The following SUCO variants were observed in gnomAD, a reference collection of about 807,000 sequenced individuals.
The protein encoded by SUCO is SUN domain containing ossification factor, also known as SUN domain-containing ossification factor.
Under a neutral mutation model 148.1 loss-of-function variants are expected in SUCO, and 57 were observed. The ratio of observed to expected loss-of-function variants is 0.38; its 90% CI spans 0.31 to 0.48. SUCO has a LOEUF of 0.48. SUCO is among the 20% of genes least tolerant of loss of function. The pLI, the probability that SUCO is intolerant of heterozygous loss-of-function variation, is 0.96. For missense variants in SUCO, 1,331 were observed against 1,468.2 expected, an observed-to-expected ratio of 0.91 and a Z score of 1.53; for synonymous variants, 470 against 502.7, an observed-to-expected ratio of 0.93 and a Z score of 0.87.
intron 6 of SUCO, among the ~76,000 whole-genome samples, chr1:172,562,628 A>C (rs1654260920): frequency 1.3e-5 from 2 of 152,182 alleles, no homozygotes; most frequent in East Asian, 3.8e-4. Context: ...GAGCCAGTGC[A>C]CCCAGTTAGA....
At chr1:172,535,522 T>A (rs1651946295) in intron 1 of SUCO, among the ~76,000 whole-genome samples, 2 of 152,190 alleles carry the variant, frequency 1.3e-5, no homozygotes, top group South Asian at 4.1e-4. Flanking sequence ...CAAGTTGGAA[T>A]TAATGGCACT....
At chr1:172,569,218 T>G in intron 7 of SUCO, 76 bp downstream of exon 7, 2 of 1,250,308 alleles carry the variant, frequency 1.6e-6, no homozygotes, top group African/African-American at 1.6e-5. Context: ...TTTTTTTGAT[T>G]GGTAAAACAA....
At chr1:172,579,995 T>C (rs1655758640) in intron 15 of SUCO, among the ~76,000 whole-genome samples, 1 of 152,178 alleles carries the variant, frequency 6.6e-6, no homozygotes, top group Admixed American at 6.5e-5. Flanking sequence ...GCTTGTCACT[T>C]TTTGCTCTTA....
Position 172,600,097 on chromosome 1 carries a change from C to T in SUCO, c.2947C>T (p.Gln983Ter). 4 of 1,607,534 alleles carry T rather than the reference C, an allele frequency of 2.5e-6. No individual in the cohort carries two copies. Among genetic ancestry groups the T allele is most frequent in the Non-Finnish European group, 3.4e-6 (4 of 1,178,652 alleles). The change falls in exon 20 of 24, where the codon CAG (glutamine) becomes TAG (stop). Residue 983 changes from glutamine (Q) to a stop codon, truncating the protein, a stop_gained. Transcript: ENST00000263688. LOFTEE classifies it high-confidence loss of function. ...GCAAACTGAAGCCATCCAGTTGCTA[C>T]AGGCACAGCTGACCAACATGACACA... ...QRQTEAIQLL[Q>*]AQLTNMTQLV...
chr1:172,579,085 T>G, intron 14 of SUCO, 117 bp from the exon 15 acceptor site: 2 of 627,678 alleles, frequency 3.2e-6, no homozygotes, highest in Non-Finnish European at 5.7e-6. Flanking sequence ...TGATTCATAT[T>G]TATCATAAAA....
intron 6 of SUCO, among the ~76,000 whole-genome samples, chr1:172,564,626 T>C (rs1367749016): frequency 6.6e-6 from 1 of 151,940 alleles, no homozygotes. Context: ...TTTTCATAAA[T>C]TACCCAATCT....
intron 10 of SUCO, chr1:172,574,830 A>T: frequency 5.2e-6 from 5 of 958,796 alleles, no homozygotes; most frequent in Non-Finnish European, 6.2e-6. Flanking sequence ...TCAGCACTGC[A>T]TATATACAGT....
rs41263742 is a variant in SUCO at position 172,557,735 on chromosome 1, G to A, written c.673G>A (p.Glu225Lys). 2,720 of 1,613,256 alleles carry A rather than the reference G, an allele frequency of 1.7e-3. 1 individual carries two copies. The highest frequency in any genetic ancestry group is 2.2e-3 in the Non-Finnish European group (2,543 of 1,179,686). ...SEFESKVSASEQGGGDPKSAL... is the reference protein window; with the variant it reads ...SEFESKVSASKQGGGDPKSAL... The stretch of plus-strand genomic sequence containing the variant: ...ATTTGAATCAAAAGTTTCAGCAAGT[G>A]AACAGGGCGGTGGTGATCCAAAATC... The change falls in exon 6 of 24, where the codon GAA becomes AAA. Residue 225 changes from glutamate to lysine, a missense_variant. Physicochemically the swap from Glu to Lys is moderately conservative, Grantham distance 56. Transcript: ENST00000263688.
At chr1:172,557,925 A>G in intron 6 of SUCO, 131 bp downstream of exon 6, 1 of 662,330 alleles carries the variant, frequency 1.5e-6, no homozygotes, top group Admixed American at 3.6e-5. Context: ...AACATGTGGA[A>G]CTAACACGAA....
Position 172,589,815 on chromosome 1 carries a change from T to C in SUCO, c.2714T>C (p.Val905Ala), listed in dbSNP as rs1656511183. The change falls in exon 18 of 24, where the codon GTA (valine) becomes GCA (alanine). Residue 905 changes from valine to alanine, a missense_variant. Val to Ala is a moderately conservative substitution (Grantham distance 64). Transcript: ENST00000263688. Reference protein sequence around the residue: ...TDLGYANGNLVHGSNQKESVF... With the variant: ...TDLGYANGNLAHGSNQKESVF... Reference sequence around the variant, plus strand: ...CTAGGATATGCTAATGGAAATCTTGTACATGGATCAAACCAAAAGGAGTCA... The same window carrying C: ...CTAGGATATGCTAATGGAAATCTTGCACATGGATCAAACCAAAAGGAGTCA... The C allele has an allele frequency of 6.2e-7, 1 of 1,610,702 alleles. No individual in the cohort carries two copies. Among genetic ancestry groups the C allele is most frequent in the African/African-American group, 1.3e-5 (1 of 74,722 alleles).
chr1:172,588,615 G>A, intron 17 of SUCO, 145 bp from the exon 18 acceptor site: 1 of 1,273,476 alleles, frequency 7.9e-7, no homozygotes, highest in African/African-American at 1.5e-5. Flanking sequence ...AAAGTGTTTT[G>A]TAGGTGAAAC....
chr1:172,600,584 A>G (rs1388563056), intron 20 of SUCO, among the ~76,000 whole-genome samples: 1 of 152,160 alleles, frequency 6.6e-6, no homozygotes, highest in Non-Finnish European at 1.5e-5. Context: ...ACGGTAGTTA[A>G]TAGTCCCTGG....
Position 172,555,961 on chromosome 1 carries a change from T to A in SUCO, c.381T>A (p.Ser127Arg). ...AGTCTTCCAATGCAGTTGTGGACAGTGAAACTGTTGAAAATATTTCCAGCT... is the reference window on the plus strand; with the variant it reads ...AGTCTTCCAATGCAGTTGTGGACAGAGAAACTGTTGAAAATATTTCCAGCT... Reference protein sequence around the residue: ...HEESSNAVVDSETVENISSSS... With the variant: ...HEESSNAVVDRETVENISSSS... The change falls in exon 4 of 24, where the codon AGT (serine) becomes AGA (arginine). Residue 127 changes from serine to arginine, a missense_variant. Transcript: ENST00000263688. 1 of 1,613,488 alleles carries A rather than the reference T, an allele frequency of 6.2e-7. No individual in the cohort carries two copies. Among genetic ancestry groups the A allele is most frequent in the South Asian group, 1.1e-5 (1 of 91,010 alleles).
intron 6 of SUCO, among the ~76,000 whole-genome samples, chr1:172,563,750 A>G (rs1295751832): frequency 6.6e-6 from 1 of 152,242 alleles, no homozygotes; most frequent in African/African-American, 2.4e-5. Context: ...AATTTGCATA[A>G]GTAGAGAGGA....
intron 21 of SUCO, chr1:172,602,453 T>G (rs578087914): frequency 1.0e-6 from 1 of 982,414 alleles, no homozygotes; most frequent in East Asian, 1.1e-4. Context: ...CTGAAATATT[T>G]GGTTGAGAAA....
At chr1:172,570,812 CAT>C (rs560915990) in intron 9 of SUCO, 82 bp downstream of exon 9, 170 of 838,538 alleles carry the variant, frequency 2.0e-4, no homozygotes, top group South Asian at 1.9e-3. Flanking sequence ...GTTACATTGA[CAT>C]ATAATAATTT....
chr1:172,583,071 C>T (rs1655987511), intron 15 of SUCO, among the ~76,000 whole-genome samples: 1 of 152,064 alleles, frequency 6.6e-6, no homozygotes, highest in Non-Finnish European at 1.5e-5. Context: ...TTTTGTGAAG[C>T]AGTCAGTTTT....
At chr1:172,582,549 A>G (rs1218719261) in intron 15 of SUCO, among the ~76,000 whole-genome samples, 2 of 152,166 alleles carry the variant, frequency 1.3e-5, no homozygotes, top group African/African-American at 4.8e-5. Flanking sequence ...TGACTAATCC[A>G]GGAGAAATTA....
upstream of SUCO, chr1:172,532,568 T>G (rs1214112166): frequency 6.2e-7 from 1 of 1,613,798 alleles, no homozygotes; most frequent in African/African-American, 1.3e-5. Context: ...TGGTGCAGCT[T>G]CCCTCACAAC....
Sources: gnomAD v4.1 joint callset for allele counts (sites outside exome capture counted in the v4.1 genomes callset) on GRCh38, gnomAD v4.1.1 for gene constraint, MANE v1.5 for transcripts, NCBI Gene and HGNC (gene_info 2026-07-23, HGNC 2026-07-21) for gene names.